DNAH14: variants seen among roughly 807,000 people sequenced by gnomAD.
DNAH14 encodes the protein axonemal beta dynein heavy chain 14.
In DNAH14, 478 loss-of-function variants were observed where a neutral mutation model predicts 520.9. The ratio of observed to expected loss-of-function variants is 0.92; its 90% confidence interval spans 0.85 to 0.99. The LOEUF is 0.99. DNAH14 is among the 50% of genes least tolerant of loss of function. DNAH14 has a pLI of 0.00. For missense variants in DNAH14, 4,831 were observed against 5,234.5 expected, an observed-to-expected ratio of 0.92 and a Z score of 2.38; for synonymous variants, 1,581 against 1,757.2, an observed-to-expected ratio of 0.90 and a Z score of 2.51.
chr1:225,282,905 G>A (rs1040685352), intron 54 of DNAH14, among the ~76,000 whole-genome samples: 1 of 151,962 alleles, frequency 6.6e-6, no homozygotes, highest in Admixed American at 6.6e-5. Context: ...CTTATTGATT[G>A]GTAGGAGTTA....
At chr1:225,203,351 G>T (rs560060256) in intron 38 of DNAH14, among the ~76,000 whole-genome samples, 1 of 152,174 alleles carries the variant, frequency 6.6e-6, no homozygotes, top group Non-Finnish European at 1.5e-5. Flanking sequence ...CCTAGGACTT[G>T]CTTACTTTGT....
intron 23 of DNAH14, among the ~76,000 whole-genome samples, chr1:225,110,226 AT>A (rs1285383121): frequency 6.6e-6 from 1 of 151,904 alleles, no homozygotes; most frequent in African/African-American, 2.4e-5. Context: ...TCCTTTCTCT[AT>A]TTTTTGGAAG....
rs879444791 is a variant in DNAH14 at position 224,929,704 on chromosome 1, A to G, written c.-165A>G. 1.4e-5 allele frequency: 10 copies of G among 702,396 alleles called. No individual in the cohort carries two copies. The highest frequency in any genetic ancestry group is 2.3e-5 in the Non-Finnish European group (9 of 384,844). The allele number at this position is 702,396 out of a possible 1,614,324, so 43.5% of individuals were successfully genotyped here. ...GGCGGTTACGGCCAGGAGGCGTCGG[A>G]GCCTGGCGTGGTAGGGCTGTGCTGC... On this transcript the variant is annotated 5_prime_UTR_variant, in exon 1 of 86. Transcript: ENST00000682510.
chr1:225,100,698 A>T lies in DNAH14; in HGVS notation c.3696-15A>T, dbSNP rs1291732775. On this transcript the variant is annotated splice_polypyrimidine_tract_variant and intron_variant, in intron 22 of 85. Coordinates refer to ENST00000682510, the MANE Select transcript of DNAH14 (RefSeq NM_001367479.1). ...CTTAAAAAAAATAAAATGACATCTAATTTTTTTTCTAAAGGCAACTCCCAG... is the reference window on the plus strand; with the variant it reads ...CTTAAAAAAAATAAAATGACATCTATTTTTTTTTCTAAAGGCAACTCCCAG... 8.2e-6 allele frequency: 12 copies of T among 1,465,742 alleles called. No individual in the cohort carries two copies. The highest frequency in any genetic ancestry group is 1.1e-5 in the Non-Finnish European group (12 of 1,112,888). 90.8% of individuals were successfully genotyped at this position (1,465,742 alleles called of 1,614,324 possible).
intron 8 of DNAH14, among the ~76,000 whole-genome samples, chr1:224,984,820 A>T (rs1178557303): frequency 2.0e-5 from 3 of 152,160 alleles, no homozygotes; most frequent in Admixed American, 1.3e-4. Flanking sequence ...CATAAATAGA[A>T]AATTCTCAAA....
Position 225,140,873 on chromosome 1 carries a change from G to A in DNAH14, c.4360G>A (p.Val1454Ile), listed in dbSNP as rs1239880626. 2 of 1,551,278 alleles carry A rather than the reference G, an allele frequency of 1.3e-6. No individual in the cohort carries two copies. Among genetic ancestry groups the A allele is most frequent in the East Asian group, 2.4e-5 (1 of 40,884 alleles). The change falls in exon 28 of 86, where the codon GTT becomes ATT. Residue 1454 changes from valine to isoleucine, a missense_variant. Physicochemically the swap from Val to Ile is conservative, Grantham distance 29. Coordinates refer to ENST00000682510, the MANE Select transcript of DNAH14 (RefSeq NM_001367479.1). ...HAGLMCHLEE[V>I]ADLVVLDTSN... ...TGGTCTGATGTGTCATCTAGAAGAG[G>A]TTGCAGACCTGGTAGTGCTGGATAC...
chr1:224,977,068 G>A (rs1349934679), intron 8 of DNAH14, among the ~76,000 whole-genome samples: 1 of 151,416 alleles, frequency 6.6e-6, no homozygotes, highest in Non-Finnish European at 1.5e-5. Context: ...ATTCACAATA[G>A]CAAAGACTTG....
intron 48 of DNAH14, 43 bp from the exon 49 acceptor site, chr1:225,266,598 G>T (rs984161122): frequency 3.0e-6 from 4 of 1,331,100 alleles, no homozygotes; most frequent in Non-Finnish European, 9.8e-7. Context: ...TTTAAAGAAA[G>T]GTGTACTAAT....
chr1:224,991,585 C>T (rs1158649927), intron 8 of DNAH14, among the ~76,000 whole-genome samples: 1 of 152,112 alleles, frequency 6.6e-6, no homozygotes, highest in Non-Finnish European at 1.5e-5. Context: ...AAGTGATTCT[C>T]CTGCCTCAGC....
chr1:224,938,513 C>G (rs533338060), intron 1 of DNAH14, among the ~76,000 whole-genome samples: 1 of 151,946 alleles, frequency 6.6e-6, no homozygotes, highest in African/African-American at 2.4e-5. Flanking sequence ...TCAGTTAAAA[C>G]GACTTGTATC....
Position 225,394,900 on chromosome 1 carries a change from T to G in DNAH14, c.13491+2449T>G, listed in dbSNP as rs1388005419. On this transcript the variant is annotated intron_variant, in intron 84 of 85. Transcript: ENST00000682510. Reference sequence around the variant, plus strand: ...GTATGGCATGAGGTGAGATCAAAGTTCTTTTGGTTCCATATGGGTACCCAC... The same window carrying G: ...GTATGGCATGAGGTGAGATCAAAGTGCTTTTGGTTCCATATGGGTACCCAC... Among the ~76,000 whole-genome samples the G allele has an allele frequency of 2.6e-5, 4 of 151,906 alleles. No individual in the cohort carries two copies. The East Asian group carries it at 7.7e-4, about 29-fold the overall frequency.
intron 27 of DNAH14, among the ~76,000 whole-genome samples, chr1:225,126,256 G>T (rs1276413193): frequency 6.6e-6 from 1 of 152,088 alleles, no homozygotes; most frequent in African/African-American, 2.4e-5. Flanking sequence ...TCAATGCAGG[G>T]TTACCACAAA....
intron 35 of DNAH14, among the ~76,000 whole-genome samples, chr1:225,164,870 C>G (rs2081895055): frequency 2.0e-5 from 3 of 151,774 alleles, no homozygotes; most frequent in Admixed American, 6.6e-5. Flanking sequence ...CTCTTTTTTC[C>G]TTGGACTTCT....
chr1:225,142,458 C>T (rs576065535), intron 28 of DNAH14, among the ~76,000 whole-genome samples: 1 of 152,184 alleles, frequency 6.6e-6, no homozygotes, highest in African/African-American at 2.4e-5. Context: ...ATGTTACATA[C>T]CTTTCAGTGA....
Position 225,051,664 on chromosome 1 carries a change from C to G in DNAH14, c.2293C>G (p.Arg765Gly), listed in dbSNP as rs762673910. 6.4e-7 allele frequency: 1 copy of G among 1,550,538 alleles called. No homozygotes were observed. Among genetic ancestry groups the G allele is most frequent in the Non-Finnish European group, 8.7e-7 (1 of 1,146,428 alleles). Residue 765 changes from arginine (R) to glycine (G), a missense_variant, in exon 17 of 86, where the codon CGT becomes GGT. Coordinates refer to ENST00000682510, the MANE Select transcript of DNAH14 (RefSeq NM_001367479.1). ...TATTGTGAATATGGCCATTGAGAAG[C>G]GTATTGGTATTTTCAACGTTGTAAG... is the stretch of plus-strand genomic sequence containing the variant. ...RHIVNMAIEKRIGIFNVVSLD... is the reference protein window; with the variant it reads ...RHIVNMAIEKGIGIFNVVSLD...
chr1:225,259,069 C>G (rs2092839785), intron 45 of DNAH14, 52 bp from the exon 46 acceptor site: 2 of 1,465,990 alleles, frequency 1.4e-6, no homozygotes, highest in African/African-American at 1.5e-5. Context: ...AATGTGTTAA[C>G]ATGTATCATT....
chr1:225,159,363 G>A lies in DNAH14; in HGVS notation c.5323G>A (p.Glu1775Lys), dbSNP rs1042836062. Reference protein sequence around the residue: ...SEADETLIVIEAIREASLPKC... With the variant: ...SEADETLIVIKAIREASLPKC... ...AGCAGATGAAACCTTGATTGTTATCGAGGCTATAAGAGAAGCTAGTTTGCC... is the reference window on the plus strand; with the variant it reads ...AGCAGATGAAACCTTGATTGTTATCAAGGCTATAAGAGAAGCTAGTTTGCC... The change falls in exon 35 of 86, where the codon GAG (glutamate) becomes AAG (lysine). Residue 1775 changes from glutamate to lysine, a missense_variant. Glu to Lys is a moderately conservative substitution (Grantham distance 56, BLOSUM62 1). Transcript: ENST00000682510. The A allele has an allele frequency of 2.1e-5, 33 of 1,551,280 alleles. No individual in the cohort carries two copies. The highest frequency in any genetic ancestry group is 2.6e-5 in the Non-Finnish European group (30 of 1,146,772).
intron 29 of DNAH14, 39 bp from the exon 30 acceptor site, chr1:225,145,287 A>G (rs1266726948): frequency 2.7e-6 from 4 of 1,495,142 alleles, no homozygotes; most frequent in Non-Finnish European, 3.6e-6. Flanking sequence ...ATTTTGTGTC[A>G]TAATTCAAGA....
intron 66 of DNAH14, among the ~76,000 whole-genome samples, chr1:225,336,673 A>G (rs2095061974): frequency 6.6e-6 from 1 of 152,224 alleles, no homozygotes; most frequent in African/African-American, 2.4e-5. Flanking sequence ...ATATGCAAAC[A>G]CATATAGAAC....
Sources: gnomAD v4.1 joint callset for allele counts (sites outside exome capture counted in the v4.1 genomes callset) on GRCh38, gnomAD v4.1.1 for gene constraint, MANE v1.5 for transcripts, NCBI Gene and HGNC (gene_info 2026-07-23, HGNC 2026-07-21) for gene names.